Variants in UPP2 observed in about 807,000 individuals in gnomAD.
UPP2 encodes the protein UPase 2.
A neutral mutation model predicts 26.7 loss-of-function variants in UPP2; 23 were observed. That is an observed-to-expected ratio of 0.86 (90% CI 0.62 to 1.22). The LOEUF is 1.22. UPP2 is among the 50% of genes most tolerant of loss of function. The pLI is 0.00. For synonymous variants in UPP2, 127 were observed against 141.3 expected (o/e 0.90, Z 0.72); for missense variants, 387 against 396.7 (o/e 0.98, Z 0.21).
chr2:158,049,676 AG>A (rs1445798260), intron 3 of UPP2, among the ~76,000 whole-genome samples: 4 of 152,174 alleles, frequency 2.6e-5, no homozygotes, highest in Non-Finnish European at 4.4e-5. Flanking sequence ...GAGGAGCGCC[AG>A]GCACTTTAAT....
chr2:158,021,751 GA>G (rs1411265708), intron 3 of UPP2, among the ~76,000 whole-genome samples: 2 of 152,172 alleles, frequency 1.3e-5, no homozygotes, highest in African/African-American at 2.4e-5. Flanking sequence ...AGGAAAGAGA[GA>G]GAGCTAGTAT....
intron 3 of UPP2, among the ~76,000 whole-genome samples, chr2:158,037,219 A>T (rs933008145): frequency 5.3e-5 from 8 of 149,904 alleles, no homozygotes; most frequent in African/African-American, 1.0e-4. Flanking sequence ...CTAAAAATAC[A>T]AAAAAATTAG....
intron 2 of UPP2, among the ~76,000 whole-genome samples, chr2:158,005,499 A>C (rs921428624): frequency 3.3e-5 from 5 of 152,234 alleles, no homozygotes; most frequent in African/African-American, 1.2e-4. Flanking sequence ...GGAAAACAAC[A>C]GAATCAGAAT....
chr2:158,066,557 T>C (rs1682438240), intron 3 of UPP2, among the ~76,000 whole-genome samples: 1 of 152,180 alleles, frequency 6.6e-6, no homozygotes, highest in Non-Finnish European at 1.5e-5. Flanking sequence ...TACATAGTGA[T>C]TTGCCTGCTC....
intron 6 of UPP2, 42 bp downstream of exon 6, chr2:158,123,937 C>A: frequency 6.3e-7 from 1 of 1,596,490 alleles, no homozygotes. Context: ...TCTCCTCTTT[C>A]ATGAAGCTAC....
chr2:158,037,785 C>G (rs930053477), intron 3 of UPP2, among the ~76,000 whole-genome samples: 1 of 143,862 alleles, frequency 7.0e-6, no homozygotes, highest in Admixed American at 7.4e-5. Flanking sequence ...CTGCAACGAC[C>G]CTATTTCCAA....
upstream of UPP2, among the ~76,000 whole-genome samples, chr2:158,100,467 A>C (rs1258997246): frequency 1.3e-5 from 2 of 152,210 alleles, no homozygotes; most frequent in African/African-American, 2.4e-5. Flanking sequence ...GGTTCTCCTC[A>C]TTATACCTTA....
chr2:158,010,217 T>C (rs1683554118), intron 2 of UPP2, among the ~76,000 whole-genome samples: 1 of 152,210 alleles, frequency 6.6e-6, no homozygotes. Flanking sequence ...TCAACCTTGA[T>C]ATAGGCGGAA....
chr2:158,012,070 C>T (rs13032622), intron 2 of UPP2, among the ~76,000 whole-genome samples: 11,615 of 152,090 alleles, frequency 0.076, 499 homozygotes, highest in Non-Finnish European at 0.097. Flanking sequence ...TTCTCCTCTG[C>T]GGTCCTGCCT....
At chr2:158,031,521 A>G (rs1187954035) in intron 3 of UPP2, among the ~76,000 whole-genome samples, 1 of 152,176 alleles carries the variant, frequency 6.6e-6, no homozygotes, top group Non-Finnish European at 1.5e-5. Flanking sequence ...TGAGGAGTGC[A>G]GAGATCTGGG....
At chr2:158,007,023 G>A (rs909372663) in intron 2 of UPP2, among the ~76,000 whole-genome samples, 2 of 152,162 alleles carry the variant, frequency 1.3e-5, no homozygotes, top group Non-Finnish European at 2.9e-5. Context: ...TTGCCTCCCT[G>A]ACTTTGACTC....
rs552663591 is a variant in UPP2, at chr2:158,110,443, G to A, written c.180+4227G>A. Among the ~76,000 whole-genome samples the A allele has an allele frequency of 1.6e-4, 25 of 152,208 alleles. No individual in the cohort carries two copies. In the South Asian group the frequency reaches 3.7e-3, roughly 23 times the overall value. ...GGTCTTTGCTATTGTGAGTAGTGCC[G>A]CAGTGAACATACATGTACATGTGTC... is the stretch of plus-strand genomic sequence containing the variant. On this transcript the variant is annotated intron_variant, in intron 2 of 6. Transcript: ENST00000005756.
intron 2 of UPP2, among the ~76,000 whole-genome samples, chr2:158,008,121 C>G (rs963547355): frequency 1.3e-5 from 2 of 152,078 alleles, no homozygotes; most frequent in African/African-American, 4.8e-5. Context: ...AATTCAGAAT[C>G]CTTTGAGGCT....
At chr2:158,108,587 TCA>T (rs1480445677) in intron 2 of UPP2, among the ~76,000 whole-genome samples, 3 of 151,442 alleles carry the variant, frequency 2.0e-5, no homozygotes, top group African/African-American at 7.3e-5. Flanking sequence ...TGTATCTCTC[TCA>T]CACACGCACA....
chr2:158,012,149 C>T (rs918452572), intron 2 of UPP2, among the ~76,000 whole-genome samples: 2 of 151,564 alleles, frequency 1.3e-5, no homozygotes, highest in Non-Finnish European at 2.9e-5. Flanking sequence ...TACATGTAAG[C>T]CTTTTAAAAA....
chr2:158,094,468 A>G (rs1401276749), intron 3 of UPP2, among the ~76,000 whole-genome samples: 2 of 152,348 alleles, frequency 1.3e-5, no homozygotes, highest in Admixed American at 6.5e-5. Flanking sequence ...TGTTCAAAAG[A>G]ATAACATTTT....
At chr2:158,067,095 A>T (rs1247606240) in intron 3 of UPP2, among the ~76,000 whole-genome samples, 2 of 152,138 alleles carry the variant, frequency 1.3e-5, no homozygotes, top group Non-Finnish European at 2.9e-5. Flanking sequence ...TGCAAAAAAA[A>T]GAAGCAGGTT....
chr2:158,000,127 G>A (rs541929654), intron 2 of UPP2, among the ~76,000 whole-genome samples: 2 of 151,658 alleles, frequency 1.3e-5, no homozygotes, highest in African/African-American at 4.8e-5. Flanking sequence ...GCAATGGCGC[G>A]ATCTCGGCTC....
At chr2:158,010,698 A>G (rs1368810048) in intron 2 of UPP2, among the ~76,000 whole-genome samples, 1 of 152,120 alleles carries the variant, frequency 6.6e-6, no homozygotes, top group African/African-American at 2.4e-5. Context: ...GCACAGTTAT[A>G]TTAATAGGTA....
Sources: allele counts gnomAD v4.1 joint callset (sites outside exome capture counted in the v4.1 genomes callset), GRCh38; gene constraint gnomAD v4.1.1; transcripts MANE v1.5; gene names NCBI Gene and HGNC (gene_info 2026-07-23, HGNC 2026-07-21).